ZNF680: variants seen among roughly 807,000 people sequenced by gnomAD.
ZNF680 encodes hypothetical protein FLJ90430.
ZNF680 carries 6 observed loss-of-function variants against 12.1 expected under a neutral mutation model. The observed-to-expected ratio is 0.49, with a 90% confidence interval of 0.27 to 0.98. The LOEUF is 0.98. Among genes scored for constraint, ZNF680 ranks in the 50% least tolerant of loss-of-function variants. The probability of loss-of-function intolerance (pLI) is 0.12; values close to 1 mark genes in which losing one functional copy is unlikely to be tolerated. For synonymous variants in ZNF680, 170 were observed against 199.3 expected, an observed-to-expected ratio of 0.85 and a Z score of 1.24; for missense variants, 561 against 616.3, an observed-to-expected ratio of 0.91 and a Z score of 0.95.
At chr7:64,514,956 T>G (rs1791316449), downstream of ZNF680, among the ~76,000 whole-genome samples, 1 of 151,958 alleles carries the variant, frequency 6.6e-6, no homozygotes, top group South Asian at 2.1e-4. Flanking sequence ...GGCAGGAGAA[T>G]CGCTTGAACC....
chr7:64,508,147 A>ATATATATATATATATATACAC, the ZNF680 span, among the ~76,000 whole-genome samples: 1 of 135,390 alleles, frequency 7.4e-6, no homozygotes. Flanking sequence ...ATATATACAT[A>ATATATATATATATATATACAC]ATTTTTTTTT....
At chr7:64,501,189 C>T in the ZNF680 span, 13 of 869,802 alleles carry the variant, frequency 1.5e-5, no homozygotes, top group African/African-American at 1.7e-5. Flanking sequence ...CCTCTCTTGA[C>T]TTGGACTATG....
the ZNF680 span, among the ~76,000 whole-genome samples, chr7:64,506,544 A>G: frequency 6.6e-6 from 1 of 152,192 alleles, no homozygotes; most frequent in Non-Finnish European, 1.5e-5. Flanking sequence ...TGCAAATAAT[A>G]ATTAATTACT....
At chr7:64,531,614 A>AAAAAT (rs1785891283) in intron 3 of ZNF680, among the ~76,000 whole-genome samples, 1 of 151,564 alleles carries the variant, frequency 6.6e-6, no homozygotes, top group Admixed American at 6.6e-5. Flanking sequence ...AAAAAAAAAA[A>AAAAAT]ACCTAGAAAT....
At position 64,520,983 on chromosome 7, in the gene ZNF680, G is replaced by A; in HGVS notation, c.*178C>T. On this transcript the variant is annotated 3_prime_UTR_variant, in exon 4 of 4. Transcript: ENST00000309683. ...CTTTCTCAAGTAAAAATGCTTTCCT[G>A]TGCAATAAGATGTGAGTATTGGTTA... 4.7e-6 allele frequency: 3 copies of A among 631,622 alleles called. No individual in the cohort carries two copies. In the South Asian group the frequency reaches 7.4e-5, roughly 16 times the overall value. The allele number at this position is 631,622 out of a possible 1,614,324, so 39.1% of individuals were successfully genotyped here.
intron 1 of ZNF680, among the ~76,000 whole-genome samples, chr7:64,557,797 A>G (rs1787505384): frequency 6.6e-6 from 1 of 152,182 alleles, no homozygotes; most frequent in African/African-American, 2.4e-5. Flanking sequence ...GCTGAGGCAG[A>G]ATTGCTTGAA....
the ZNF680 span, among the ~76,000 whole-genome samples, chr7:64,500,048 C>T: frequency 6.6e-6 from 1 of 152,146 alleles, no homozygotes; most frequent in South Asian, 2.1e-4. Flanking sequence ...ACCCTGAATC[C>T]TTAAAAATTT....
intron 1 of ZNF680, among the ~76,000 whole-genome samples, chr7:64,553,751 G>T (rs566304566): frequency 2.0e-4 from 31 of 152,322 alleles, no homozygotes; most frequent in African/African-American, 7.0e-4. Flanking sequence ...ACGCCAGACT[G>T]GTTTTCGCAT....
chr7:64,500,823 C>G, the ZNF680 span: 1 of 390,336 alleles, frequency 2.6e-6, no homozygotes, highest in Non-Finnish European at 5.1e-6. Context: ...TTATCAAACA[C>G]AATGGCCAGC....
At chr7:64,523,635 C>T (rs538163566) in intron 3 of ZNF680, among the ~76,000 whole-genome samples, 5 of 152,052 alleles carry the variant, frequency 3.3e-5, no homozygotes, top group South Asian at 2.1e-4. Flanking sequence ...ATTTTAAGGC[C>T]GGGCGTGGTG....
the ZNF680 span, among the ~76,000 whole-genome samples, chr7:64,513,666 G>C: frequency 1.7e-4 from 25 of 150,632 alleles, no homozygotes; most frequent in South Asian, 5.0e-3. Flanking sequence ...TTTTTTTTAA[G>C]ATAGATTCTC....
At chr7:64,526,477 G>T in intron 3 of ZNF680, 1 of 1,215,216 alleles carries the variant, frequency 8.2e-7, no homozygotes, top group South Asian at 1.4e-5. Flanking sequence ...GATAACTTGA[G>T]ACCAGGAGTT....
At chr7:64,551,145 T>C (rs1004847443) in intron 1 of ZNF680, among the ~76,000 whole-genome samples, 1 of 152,230 alleles carries the variant, frequency 6.6e-6, no homozygotes, top group African/African-American at 2.4e-5. Flanking sequence ...GGGGAGGCCA[T>C]CCGTGTATGT....
the ZNF680 span, among the ~76,000 whole-genome samples, chr7:64,512,619 A>T: frequency 7.9e-5 from 12 of 152,232 alleles, no homozygotes; most frequent in South Asian, 4.1e-4. Flanking sequence ...TTTAAAAAAA[A>T]TTTTTCTCAT....
At chr7:64,546,114 T>C (rs930285433) in intron 1 of ZNF680, among the ~76,000 whole-genome samples, 4 of 152,172 alleles carry the variant, frequency 2.6e-5, no homozygotes, top group Admixed American at 6.5e-5. Flanking sequence ...GAGGAAAAGA[T>C]TGAGTAGAGA....
rs11299637 is a variant in ZNF680, at chr7:64,559,474, G to GT, written c.30+3450dup. Among the ~76,000 whole-genome samples the GT allele has an allele frequency of 5.9e-3, 870 of 146,242 alleles. 3 individuals are homozygous for GT. The highest frequency in any genetic ancestry group is 0.029 in the East Asian group (147 of 5,004). On this transcript the variant is annotated intron_variant, in intron 1 of 3. Coordinates refer to ENST00000309683, the MANE Select transcript of ZNF680 (RefSeq NM_178558.5). ...CTTTTTGTTTTATTTGTTTGTTTAG[G>GT]TTTTTTTTTTTTGCTGTTGTTTTTG...
chr7:64,509,310 A>G, the ZNF680 span, among the ~76,000 whole-genome samples: 1 of 152,058 alleles, frequency 6.6e-6, no homozygotes. Context: ...TTTTATGTCT[A>G]TCAGTAATCA....
chr7:64,518,584 A>G, downstream of ZNF680, among the ~76,000 whole-genome samples: 1 of 151,662 alleles, frequency 6.6e-6, no homozygotes, highest in Admixed American at 6.6e-5. Context: ...TAAAGTTTAC[A>G]TAACTTTATA....
the ZNF680 span, among the ~76,000 whole-genome samples, chr7:64,511,272 AAAAAT>A: frequency 2.1e-4 from 32 of 152,142 alleles, 1 homozygote; most frequent in South Asian, 1.9e-3. Flanking sequence ...ACCGTCTCAA[AAAAAT>A]AAAATAAAAT....
Sources: allele counts gnomAD v4.1 joint callset (sites outside exome capture counted in the v4.1 genomes callset), GRCh38; gene constraint gnomAD v4.1.1; transcripts MANE v1.5; gene names NCBI Gene and HGNC (gene_info 2026-07-23, HGNC 2026-07-21).